DLGAP1: variants seen among roughly 807,000 people sequenced by gnomAD.
DLGAP1 encodes the protein disks large-associated protein 1.
In DLGAP1, 11 loss-of-function variants were observed where a neutral mutation model predicts 90.8. The ratio of observed to expected loss-of-function variants is 0.12; its 90% CI spans 0.08 to 0.20. The LOEUF is 0.20. Among genes scored for constraint, DLGAP1 ranks in the 10% least tolerant of loss-of-function variants. DLGAP1 has a pLI of 1.00. For synonymous variants in DLGAP1, 558 were observed against 540.7 expected (o/e 1.03, Z -0.44); for missense variants, 1,050 against 1,333.8 (o/e 0.79, Z 3.31).
chr18:4,178,038 C>T (rs892875639), intron 1 of DLGAP1, among the ~76,000 whole-genome samples: 8 of 152,096 alleles, frequency 5.3e-5, no homozygotes, highest in Middle Eastern at 3.4e-3. Flanking sequence ...CATTCAAATC[C>T]TATTCTTTCT....
At chr18:4,438,725 G>T (rs1348014601) in intron 1 of DLGAP1, among the ~76,000 whole-genome samples, 2 of 152,074 alleles carry the variant, frequency 1.3e-5, no homozygotes, top group African/African-American at 4.8e-5. Flanking sequence ...CTAGCATTTT[G>T]AAATTTACCT....
chr18:4,408,941 T>A (rs1441628924), intron 1 of DLGAP1, among the ~76,000 whole-genome samples: 1 of 146,816 alleles, frequency 6.8e-6, no homozygotes, highest in Non-Finnish European at 1.5e-5. Flanking sequence ...TTAAGCTCAA[T>A]TGGCAAATGA....
At chr18:4,116,113 T>A (rs1357358451) in intron 2 of DLGAP1, among the ~76,000 whole-genome samples, 1 of 152,202 alleles carries the variant, frequency 6.6e-6, no homozygotes, top group African/African-American at 2.4e-5. Context: ...AGAATGTTTT[T>A]ATTTTGCCTT....
chr18:3,496,184 C>CTGAA lies in DLGAP1; in HGVS notation c.*2997_*3000dup, dbSNP rs1195947792. ...CATAAAAATGTTCCCACCCCTCCAT[C>CTGAA]TGAAGGCTTTCAAATGAATCTTTTT... On this transcript the variant is annotated 3_prime_UTR_variant, in exon 13 of 13. Transcript: ENST00000315677. 1 of 152,164 alleles carries CTGAA rather than the reference C, an allele frequency of 6.6e-6. No individual in the cohort carries two copies. The highest frequency in any genetic ancestry group is 2.4e-5 in the African/African-American group (1 of 41,450). The allele number at this position is 152,164 out of a possible 1,614,324, so 9.4% of individuals were successfully genotyped here. A position where few individuals can be genotyped will look rare whatever the true frequency, so the allele number is the denominator to read the frequency against.
At chr18:3,857,239 T>TG (rs35908784) in intron 4 of DLGAP1, among the ~76,000 whole-genome samples, 1 of 152,220 alleles carries the variant, frequency 6.6e-6, no homozygotes, top group African/African-American at 2.4e-5. Context: ...GCATAATATT[T>TG]GGGAATTCTA....
intron 7 of DLGAP1, among the ~76,000 whole-genome samples, chr18:3,613,001 C>A (rs537358989): frequency 1.4e-4 from 22 of 152,096 alleles, no homozygotes; most frequent in African/African-American, 5.3e-4. Flanking sequence ...CCACCATGCC[C>A]GGCTAATTTT....
chr18:3,629,074 ACAGTGCAT>A (rs2058420529), intron 7 of DLGAP1, among the ~76,000 whole-genome samples: 1 of 152,202 alleles, frequency 6.6e-6, no homozygotes, highest in African/African-American at 2.4e-5. Context: ...CACTCCCATA[ACAGTGCAT>A]GAGAATTCCT....
At chr18:3,779,977 G>A (rs1045706563) in intron 5 of DLGAP1, among the ~76,000 whole-genome samples, 8 of 151,790 alleles carry the variant, frequency 5.3e-5, no homozygotes, top group African/African-American at 1.7e-4. Flanking sequence ...GTAGATACGG[G>A]GTTTCACTAT....
chr18:3,669,624 G>T (rs1295379288), intron 7 of DLGAP1, among the ~76,000 whole-genome samples: 1 of 152,192 alleles, frequency 6.6e-6, no homozygotes, highest in Non-Finnish European at 1.5e-5. Flanking sequence ...GGGAGAGTTG[G>T]TCCGGGGCAG....
intron 3 of DLGAP1, among the ~76,000 whole-genome samples, chr18:3,937,814 CGATTAAG>C (rs1233359149): frequency 1.1e-4 from 16 of 152,210 alleles, no homozygotes; most frequent in African/African-American, 3.6e-4. Context: ...CATATAATAG[CGATTAAG>C]CGTGAGGGCT....
intron 1 of DLGAP1, among the ~76,000 whole-genome samples, chr18:4,381,328 T>C (rs2082112750): frequency 6.6e-6 from 1 of 152,130 alleles, no homozygotes; most frequent in African/African-American, 2.4e-5. Flanking sequence ...TGAAGTGCAT[T>C]TACATCATAT....
intron 8 of DLGAP1, among the ~76,000 whole-genome samples, chr18:3,574,589 A>C (rs2054997363): frequency 6.6e-6 from 1 of 152,180 alleles, no homozygotes; most frequent in Non-Finnish European, 1.5e-5. Context: ...ATTCATTAAA[A>C]TGATCTCCGT....
chr18:4,055,785 T>G (rs2075205709), intron 2 of DLGAP1, among the ~76,000 whole-genome samples: 1 of 152,166 alleles, frequency 6.6e-6, no homozygotes, highest in Non-Finnish European at 1.5e-5. Context: ...CATGTCCCTG[T>G]GCCATCAGAG....
At chr18:3,580,192 G>C (rs1030456041) in intron 8 of DLGAP1, 1 of 1,492,726 alleles carries the variant, frequency 6.7e-7, no homozygotes, top group Non-Finnish European at 9.3e-7. Flanking sequence ...TGAGCCAGAC[G>C]TCCAAAGTCA....
chr18:4,398,403 T>C (rs930491419), intron 1 of DLGAP1, among the ~76,000 whole-genome samples: 22 of 152,038 alleles, frequency 1.4e-4, no homozygotes, highest in African/African-American at 5.3e-4. Flanking sequence ...TCAAATACAG[T>C]GAAAGGGGAA....
At chr18:3,549,069 G>C (rs1012322677) in intron 9 of DLGAP1, among the ~76,000 whole-genome samples, 1 of 152,046 alleles carries the variant, frequency 6.6e-6, no homozygotes, top group African/African-American at 2.4e-5. Flanking sequence ...TAAATGTCTG[G>C]ATTATTTCAT....
intron 2 of DLGAP1, among the ~76,000 whole-genome samples, chr18:4,150,039 C>G (rs539860258): frequency 3.2e-4 from 49 of 152,332 alleles, no homozygotes; most frequent in African/African-American, 9.4e-4. Context: ...ATCTGTACCC[C>G]TCCTGGGAGG....
At chr18:3,501,723 AG>A (rs1166034591) in intron 12 of DLGAP1, among the ~76,000 whole-genome samples, 1 of 152,180 alleles carries the variant, frequency 6.6e-6, no homozygotes, top group Non-Finnish European at 1.5e-5. Flanking sequence ...ATTTGACCTG[AG>A]GCCATAGGAA....
intron 3 of DLGAP1, among the ~76,000 whole-genome samples, chr18:3,939,168 A>C (rs2072708706): frequency 1.2e-5 from 1 of 85,792 alleles, no homozygotes. Context: ...CATGCCTGCA[A>C]TCCCAGCACT....
Sources: gnomAD v4.1 joint callset for allele counts (sites outside exome capture counted in the v4.1 genomes callset) on GRCh38, gnomAD v4.1.1 for gene constraint, MANE v1.5 for transcripts, NCBI Gene and HGNC (gene_info 2026-07-23, HGNC 2026-07-21) for gene names.